Variants in FRMPD4 observed in about 807,000 individuals in gnomAD.
FRMPD4 encodes FERM and PDZ domain containing 4, also known as FERM and PDZ domain-containing protein 4.
A neutral mutation model predicts 94.1 loss-of-function variants in FRMPD4; 22 were observed. That is an observed-to-expected ratio of 0.23 (90% CI 0.17 to 0.33). The LOEUF (loss-of-function observed/expected upper bound fraction) is 0.33, where lower values mean the gene tolerates loss of function less well. Among genes scored for constraint, FRMPD4 ranks in the 10% least tolerant of loss-of-function variants. The probability of loss-of-function intolerance (pLI) is 1.00; values close to 1 mark genes in which losing one functional copy is unlikely to be tolerated. For synonymous variants in FRMPD4, 631 were observed against 548.6 expected, an observed-to-expected ratio of 1.15 and a Z score of -2.10; for missense variants, 1,111 against 1,339.9, an observed-to-expected ratio of 0.83 and a Z score of 2.67.
chrX:12,260,830 G>A (rs1333166114), intron 1 of FRMPD4, among the ~76,000 whole-genome samples: 1 of 111,430 alleles, frequency 9.0e-6, no homozygotes, highest in Non-Finnish European at 1.9e-5. Flanking sequence ...AATCCTCCAC[G>A]CGTTTGCTTA....
intron 3 of FRMPD4, among the ~76,000 whole-genome samples, chrX:12,060,436 T>C (rs1417227859): frequency 9.2e-6 from 1 of 108,740 alleles, no homozygotes; most frequent in Non-Finnish European, 1.9e-5. Context: ...TGTGTTCACA[T>C]CTTTTGCCCG....
intron 3 of FRMPD4, among the ~76,000 whole-genome samples, chrX:12,044,399 A>C (rs867815198): frequency 8.9e-6 from 1 of 112,095 alleles, no homozygotes; most frequent in African/African-American, 3.2e-5. Context: ...TGCTGGTGTC[A>C]GCTTCATTGG....
chrX:12,501,310 T>C (rs1163815651), intron 2 of FRMPD4, among the ~76,000 whole-genome samples: 2 of 112,699 alleles, frequency 1.8e-5, no homozygotes, highest in Non-Finnish European at 3.7e-5. Flanking sequence ...TTCATTTTAC[T>C]TGAAAAGTAA....
intron 4 of FRMPD4, among the ~76,000 whole-genome samples, chrX:12,662,440 G>C (rs1855085256): frequency 9.0e-6 from 1 of 111,020 alleles, no homozygotes; most frequent in African/African-American, 3.3e-5. Flanking sequence ...TTATGAATGA[G>C]AACATGAGGT....
At chrX:12,274,868 A>G (rs1339704453) in intron 1 of FRMPD4, among the ~76,000 whole-genome samples, 1 of 111,614 alleles carries the variant, frequency 9.0e-6, no homozygotes, top group Non-Finnish European at 1.9e-5. Context: ...AATTAGCCAG[A>G]CGCGGTGGTG....
rs764899671 is a variant in FRMPD4 at position 11,849,704 on chromosome X, G to A, written c.-160-15382G>A. Among the ~76,000 whole-genome samples the A allele has an allele frequency of 3.7e-5, 4 of 107,631 alleles. No homozygotes were observed. The South Asian group carries it at 1.6e-3, about 43-fold the overall frequency. The allele number at this position is 107,631 out of a possible 115,157, so 93.5% of individuals were successfully genotyped here. A position where few individuals can be genotyped will look rare whatever the true frequency, so the allele number is the denominator to read the frequency against. ...TTTTTTTTTTTTTTTCCAACAAGTG[G>A]TATAAAAAAGAGATATCCACATGCA... On this transcript the variant is annotated intron_variant, in intron 1 of 18. Coordinates refer to the FRMPD4 transcript ENST00000640291.
intron 1 of FRMPD4, among the ~76,000 whole-genome samples, chrX:11,833,158 C>T (rs1422610226): frequency 8.9e-6 from 1 of 112,214 alleles, no homozygotes; most frequent in African/African-American, 3.2e-5. Flanking sequence ...CTTGTCTTTT[C>T]ATGGCTTGAT....
chrX:11,890,323 G>A (rs1023946042), intron 3 of FRMPD4, among the ~76,000 whole-genome samples: 9 of 111,295 alleles, frequency 8.1e-5, no homozygotes, highest in African/African-American at 2.0e-4. Context: ...GCAGAATCTC[G>A]GACCCCACTC....
Position 12,701,892 on chromosome X carries a change from C to A in FRMPD4, c.952C>A (p.Gln318Lys). ...LYVQSCNDVVQERFGPELKYD... is the reference protein window; with the variant it reads ...LYVQSCNDVVKERFGPELKYD... ...TTCGCAGAGTTGTAACGATGTGGTT[C>A]AGGAGCGATTTGGGCCGGAGCTGAA... is the stretch of plus-strand genomic sequence containing the variant. The change falls in exon 10 of 17, where the codon CAG (glutamine) becomes AAG (lysine). Residue 318 changes from glutamine to lysine, a missense_variant. Gln to Lys is a moderately conservative substitution (Grantham distance 53). Coordinates refer to ENST00000675598, the MANE Select transcript of FRMPD4 (RefSeq NM_001368397.1). 1 of 1,211,642 alleles carries A rather than the reference C, an allele frequency of 8.3e-7. No individual in the cohort carries two copies. The highest frequency in any genetic ancestry group is 1.7e-5 in the African/African-American group (1 of 58,004).
At chrX:11,969,395 G>T (rs1378522662) in intron 3 of FRMPD4, among the ~76,000 whole-genome samples, 1 of 112,301 alleles carries the variant, frequency 8.9e-6, no homozygotes, top group Non-Finnish European at 1.9e-5. Context: ...GATGGGCATT[G>T]CCATCCTAAG....
chrX:11,852,115 A>G (rs1187279677), intron 1 of FRMPD4, among the ~76,000 whole-genome samples: 1 of 111,501 alleles, frequency 9.0e-6, no homozygotes, highest in Non-Finnish European at 1.9e-5. Context: ...ATGTTAGCTG[A>G]CAATAAGAGT....
intron 2 of FRMPD4, among the ~76,000 whole-genome samples, chrX:12,547,634 C>T (rs374616353): frequency 8.9e-5 from 10 of 111,849 alleles, no homozygotes; most frequent in South Asian, 3.7e-4. Flanking sequence ...AAAAAGAATA[C>T]AGAAAGTATG....
intron 1 of FRMPD4, among the ~76,000 whole-genome samples, chrX:12,273,607 C>A (rs2054387009): frequency 1.8e-5 from 2 of 112,200 alleles, no homozygotes; most frequent in African/African-American, 6.5e-5. Flanking sequence ...GCTTCTGGTT[C>A]CTTGCAGTGT....
intron 1 of FRMPD4, among the ~76,000 whole-genome samples, chrX:12,242,080 G>A (rs1047026115): frequency 1.8e-5 from 2 of 111,337 alleles, no homozygotes; most frequent in African/African-American, 6.5e-5. Flanking sequence ...TTTCCAGTAG[G>A]TCCTCCATAT....
chrX:12,581,955 A>T (rs990558293), intron 2 of FRMPD4, among the ~76,000 whole-genome samples: 1 of 111,692 alleles, frequency 9.0e-6, no homozygotes, highest in African/African-American at 3.3e-5. Flanking sequence ...ACTTCTCATT[A>T]GCCTCTGACT....
At chrX:12,682,498 A>G (rs957770122) in intron 5 of FRMPD4, among the ~76,000 whole-genome samples, 4 of 112,750 alleles carry the variant, frequency 3.5e-5, no homozygotes, top group Admixed American at 2.8e-4. Flanking sequence ...TAAAATAACA[A>G]TTATATGATT....
chrX:11,857,485 G>T (rs2053660154), intron 1 of FRMPD4, among the ~76,000 whole-genome samples: 1 of 112,467 alleles, frequency 8.9e-6, no homozygotes, highest in Non-Finnish European at 1.9e-5. Flanking sequence ...AATGGCGCTG[G>T]GAGAACTACC....
At chrX:12,189,687 G>T (rs12558593) in intron 1 of FRMPD4, among the ~76,000 whole-genome samples, 12,725 of 111,057 alleles carry the variant, frequency 0.11, 649 homozygotes, top group South Asian at 0.31. Flanking sequence ...ATAAATGCAT[G>T]AAAAGCATTT....
At chrX:11,883,200 T>C (rs912382329) in intron 3 of FRMPD4, among the ~76,000 whole-genome samples, 5 of 111,827 alleles carry the variant, frequency 4.5e-5, no homozygotes, top group Non-Finnish European at 9.4e-5. Flanking sequence ...ACCTAGTAAG[T>C]AGATGTTAGC....
Sources: gnomAD v4.1 joint callset for allele counts (sites outside exome capture counted in the v4.1 genomes callset) on GRCh38, gnomAD v4.1.1 for gene constraint, MANE v1.5 for transcripts, NCBI Gene and HGNC (gene_info 2026-07-23, HGNC 2026-07-21) for gene names.